Variants in RBFOX1 observed in about 807,000 individuals in gnomAD.
The protein encoded by RBFOX1 is RNA binding protein fox-1 homolog 1.
RBFOX1 carries 8 observed loss-of-function variants against 57.7 expected under a neutral mutation model. That is an observed-to-expected ratio of 0.14 (90% CI 0.08 to 0.25). The LOEUF (loss-of-function observed/expected upper bound fraction) is 0.25, where lower values mean the gene tolerates loss of function less well. Among genes scored for constraint, RBFOX1 ranks in the 10% least tolerant of loss-of-function variants. The pLI is 1.00. For synonymous variants in RBFOX1, 326 were observed against 222.4 expected (o/e 1.47, Z -4.15); for missense variants, 611 against 548.5 (o/e 1.11, Z -1.14).
At chr16:6,588,761 A>C (rs77093622) in intron 2 of RBFOX1, among the ~76,000 whole-genome samples, 21 of 151,798 alleles carry the variant, frequency 1.4e-4, no homozygotes, top group African/African-American at 3.7e-4. Context: ...TCTGAAAATC[A>C]GGACTTACTT....
chr16:6,812,912 G>C (rs1218970096), intron 3 of RBFOX1, among the ~76,000 whole-genome samples: 1 of 152,166 alleles, frequency 6.6e-6, no homozygotes, highest in Non-Finnish European at 1.5e-5. Flanking sequence ...GATGTTTCTA[G>C]AGGTCATTGC....
At chr16:7,076,917 C>G (rs760899042) in intron 4 of RBFOX1, among the ~76,000 whole-genome samples, 20 of 152,182 alleles carry the variant, frequency 1.3e-4, no homozygotes, top group Non-Finnish European at 2.5e-4. Flanking sequence ...CTTAGTTAAA[C>G]ACTTACTTTC....
intron 3 of RBFOX1, among the ~76,000 whole-genome samples, chr16:5,730,813 C>G (rs977090624): frequency 1.3e-5 from 2 of 152,138 alleles, no homozygotes; most frequent in Non-Finnish European, 2.9e-5. Flanking sequence ...AACATCAACA[C>G]TGCCATTGTC....
At chr16:7,109,314 C>A (rs533599689) in intron 4 of RBFOX1, among the ~76,000 whole-genome samples, 1 of 152,092 alleles carries the variant, frequency 6.6e-6, no homozygotes, top group Non-Finnish European at 1.5e-5. Flanking sequence ...TTGACCATGC[C>A]GTGAAACAAA....
rs577247130 is a variant in RBFOX1 at position 7,258,736 on chromosome 16, C to T, written c.27+206638C>T. 3.9e-5 allele frequency among the ~76,000 whole-genome samples: 6 copies of T among 152,278 alleles called. No homozygotes were observed. In the East Asian group the frequency reaches 7.7e-4, roughly 20 times the overall value. ...AGCCATTTAATCTCATTTGTCTCCC[C>T]ATTACTAACCTCAACTTTATTAGTT... On this transcript the variant is annotated intron_variant, in intron 4 of 15. Coordinates refer to ENST00000550418, the MANE Select transcript of RBFOX1 (RefSeq NM_018723.4).
chr16:6,220,970 G>A (rs1487570253), intron 1 of RBFOX1, among the ~76,000 whole-genome samples: 1 of 151,492 alleles, frequency 6.6e-6, no homozygotes, highest in African/African-American at 2.4e-5. Context: ...GTGTGTGTGT[G>A]TATGTGTGTG....
intron 3 of RBFOX1, among the ~76,000 whole-genome samples, chr16:6,752,978 A>G (rs1462350967): frequency 6.6e-6 from 1 of 152,198 alleles, no homozygotes; most frequent in Non-Finnish European, 1.5e-5. Flanking sequence ...AGAAGGGAAA[A>G]ATACAAATGT....
chr16:7,608,009 C>T (rs1326452679), intron 10 of RBFOX1, among the ~76,000 whole-genome samples: 1 of 152,186 alleles, frequency 6.6e-6, no homozygotes, highest in Non-Finnish European at 1.5e-5. Context: ...GATTTCATGT[C>T]TCGATGTCCT....
At chr16:6,900,152 T>C (rs2068089665) in intron 3 of RBFOX1, among the ~76,000 whole-genome samples, 1 of 152,168 alleles carries the variant, frequency 6.6e-6, no homozygotes, top group Non-Finnish European at 1.5e-5. Context: ...GTGGTGGTGG[T>C]GGTGGTATTG....
intron 2 of RBFOX1, among the ~76,000 whole-genome samples, chr16:5,567,541 C>G (rs2046114587): frequency 7.0e-6 from 1 of 143,588 alleles, no homozygotes; most frequent in Admixed American, 7.5e-5. Context: ...GTTTTTTGTA[C>G]TAGGCTTTAC....
At chr16:7,018,847 A>C (rs1365756147) in intron 3 of RBFOX1, among the ~76,000 whole-genome samples, 1 of 152,086 alleles carries the variant, frequency 6.6e-6, no homozygotes, top group East Asian at 1.9e-4. Context: ...GGCCAGGTGC[A>C]GTGGCTGACG....
At chr16:5,710,538 G>T (rs1445244133) in intron 3 of RBFOX1, among the ~76,000 whole-genome samples, 3 of 152,198 alleles carry the variant, frequency 2.0e-5, no homozygotes, top group Admixed American at 6.5e-5. Context: ...TGGCACATGG[G>T]TTCTCTCAAG....
At chr16:6,947,564 C>G (rs1318353025) in intron 3 of RBFOX1, among the ~76,000 whole-genome samples, 3 of 152,190 alleles carry the variant, frequency 2.0e-5, no homozygotes, top group African/African-American at 4.8e-5. Context: ...ACTTGAGTTC[C>G]TGTTGCCCTT....
chr16:5,408,366 C>T (rs13331081), intron 1 of RBFOX1, among the ~76,000 whole-genome samples: 23,215 of 152,120 alleles, frequency 0.15, 1,867 homozygotes, highest in Middle Eastern at 0.21. Context: ...TTTTTATTGT[C>T]AGAAACTAAG....
intron 4 of RBFOX1, among the ~76,000 whole-genome samples, chr16:5,912,191 C>G (rs1009561508): frequency 7.2e-5 from 11 of 152,090 alleles, no homozygotes; most frequent in African/African-American, 2.7e-4. Flanking sequence ...CCTCTCTGAG[C>G]CTCAGTTTTT....
At chr16:5,547,877 A>T (rs142319169) in intron 2 of RBFOX1, among the ~76,000 whole-genome samples, 25 of 152,150 alleles carry the variant, frequency 1.6e-4, no homozygotes, top group African/African-American at 5.8e-4. Context: ...TGGCAACCAT[A>T]GGCCAGGCAC....
intron 3 of RBFOX1, among the ~76,000 whole-genome samples, chr16:7,023,203 A>G (rs973392303): frequency 4.6e-5 from 7 of 152,062 alleles, no homozygotes; most frequent in African/African-American, 9.7e-5. Context: ...TGGGCTGGGC[A>G]TGGTAGCTCA....
intron 3 of RBFOX1, among the ~76,000 whole-genome samples, chr16:5,767,040 A>G (rs868734898): frequency 6.6e-5 from 10 of 152,136 alleles, no homozygotes; most frequent in South Asian, 2.1e-4. Flanking sequence ...CTTTGTAGGA[A>G]CTGATGTCTC....
intron 4 of RBFOX1, among the ~76,000 whole-genome samples, chr16:5,951,384 G>A (rs2059516990): frequency 6.6e-6 from 1 of 152,054 alleles, no homozygotes; most frequent in African/African-American, 2.4e-5. Context: ...GGAGGCAGAG[G>A]TTGCACAGAG....
Sources: allele counts gnomAD v4.1 joint callset (sites outside exome capture counted in the v4.1 genomes callset), GRCh38; gene constraint gnomAD v4.1.1; transcripts MANE v1.5; gene names NCBI Gene and HGNC (gene_info 2026-07-23, HGNC 2026-07-21).